TSPEAR: variants seen among roughly 807,000 people sequenced by gnomAD.
TSPEAR encodes thrombospondin type laminin G domain and EAR repeats.
In TSPEAR, 69 loss-of-function variants were observed where a neutral mutation model predicts 71.6. The ratio of observed to expected loss-of-function variants is 0.96; its 90% CI spans 0.79 to 1.18. TSPEAR has a LOEUF of 1.18. Ranked by LOEUF, TSPEAR falls within the 50% of genes most tolerant of loss-of-function variation. TSPEAR has a pLI of 0.00. For synonymous variants in TSPEAR, 402 were observed against 387.2 expected, an observed-to-expected ratio of 1.04 and a Z score of -0.45; for missense variants, 971 against 894.9, an observed-to-expected ratio of 1.09 and a Z score of -1.09.
chr21:44,708,630 C>T (rs1193332534), intron 1 of TSPEAR, among the ~76,000 whole-genome samples: 3 of 152,218 alleles, frequency 2.0e-5, no homozygotes, highest in African/African-American at 7.2e-5. Flanking sequence ...GCACACTGCC[C>T]GTCCCCAGGC....
chr21:44,703,020 G>A (rs1987732026), intron 1 of TSPEAR, among the ~76,000 whole-genome samples: 1 of 152,156 alleles, frequency 6.6e-6, no homozygotes, highest in South Asian at 2.1e-4. Context: ...AGGGCCCCGG[G>A]TGTTCCCTGG....
At chr21:44,672,798 A>G (rs1349684040) in intron 1 of TSPEAR, among the ~76,000 whole-genome samples, 2 of 152,128 alleles carry the variant, frequency 1.3e-5, no homozygotes, top group African/African-American at 4.8e-5. Flanking sequence ...AGTTCTCCTG[A>G]TAGTGAGTTC....
Position 44,529,859 on chromosome 21 carries a change from T to C in TSPEAR, c.729A>G (p.Pro243=), listed in dbSNP as rs2052931685. Residue 243 remains proline (P), a synonymous_variant, in exon 5 of 12, where the codon CCA becomes CCG. Transcript: ENST00000323084. The part of the protein sequence containing the change: ...RNAPLAVLSI[P]RVLQALTGKP... ...TCCCCGTGAGAGCCTGCAGGACCCG[T>C]GGGATGGACAGCACCGCCAGCGGGG... 6.8e-6 allele frequency: 11 copies of C among 1,613,824 alleles called. No individual in the cohort carries two copies. Among genetic ancestry groups the C allele is most frequent in the Non-Finnish European group, 9.3e-6 (11 of 1,179,948 alleles).
intron 10 of TSPEAR, chr21:44,508,425 G>T (rs1354952987): frequency 5.0e-6 from 5 of 1,002,042 alleles, no homozygotes; most frequent in Non-Finnish European, 4.8e-6. Flanking sequence ...TGGGAAAGCC[G>T]CCTGCTCCAT....
intron 1 of TSPEAR, chr21:44,611,940 G>C (rs1279607785): frequency 1.4e-6 from 1 of 721,600 alleles, no homozygotes. Flanking sequence ...AAACTAATTA[G>C]GGTTGCCTGG....
chr21:44,663,841 C>G (rs1985619058), intron 1 of TSPEAR, among the ~76,000 whole-genome samples: 1 of 152,020 alleles, frequency 6.6e-6, no homozygotes, highest in Non-Finnish European at 1.5e-5. Context: ...TTCACCATAT[C>G]AACAGACTAA....
intron 1 of TSPEAR, among the ~76,000 whole-genome samples, chr21:44,699,373 G>A (rs1987538813): frequency 1.6e-5 from 1 of 61,412 alleles, no homozygotes; most frequent in Admixed American, 2.4e-4. Flanking sequence ...GTGAGACACT[G>A]TCTCAAAAAA....
chr21:44,550,364 G>A (rs769957792), intron 2 of TSPEAR: 170 of 487,484 alleles, frequency 3.5e-4, no homozygotes, highest in Non-Finnish European at 5.1e-4. Flanking sequence ...AGCTGGGGCC[G>A]CAGACGCTTT....
intron 1 of TSPEAR, among the ~76,000 whole-genome samples, chr21:44,590,364 T>TGGGGACAGGGTCCTCGGGGTCA (rs1185866278): frequency 3.3e-5 from 5 of 151,550 alleles, no homozygotes; most frequent in Non-Finnish European, 7.4e-5. Context: ...GCTGGGGGTG[T>TGGGGACAGGGTCCTCGGGGTCA]GGGGACAGGG....
intron 1 of TSPEAR, chr21:44,580,342 G>T: frequency 6.2e-7 from 1 of 1,613,920 alleles, no homozygotes; most frequent in Non-Finnish European, 8.5e-7. Flanking sequence ...GGGAGGAGGC[G>T]CAGCAAGCCG....
chr21:44,704,631 A>G (rs9978932), intron 1 of TSPEAR, among the ~76,000 whole-genome samples: 13,234 of 152,230 alleles, frequency 0.087, 614 homozygotes, highest in South Asian at 0.14. Flanking sequence ...GAAGGCTTGG[A>G]TTAACAAGAG....
intron 1 of TSPEAR, chr21:44,638,485 G>A: frequency 2.7e-6 from 1 of 367,552 alleles, no homozygotes; most frequent in South Asian, 3.5e-5. Context: ...CCCCCGGGGG[G>A]GCACAGGGTG....
chr21:44,677,815 C>A, intron 1 of TSPEAR: 1 of 1,288,196 alleles, frequency 7.8e-7, no homozygotes, highest in South Asian at 1.2e-5. Flanking sequence ...GGTGCAGAAC[C>A]AAGAACCACC....
intron 2 of TSPEAR, among the ~76,000 whole-genome samples, chr21:44,540,795 A>G (rs1282089713): frequency 2.0e-5 from 3 of 152,162 alleles, no homozygotes; most frequent in Non-Finnish European, 4.4e-5. Flanking sequence ...GCCCCTCCCC[A>G]CGGCCTTCCC....
At chr21:44,525,553 G>C (rs1368863718) in intron 8 of TSPEAR, 100 bp downstream of exon 8, 1 of 1,248,074 alleles carries the variant, frequency 8.0e-7, no homozygotes, top group Admixed American at 1.9e-5. Context: ...GCTGCATGTG[G>C]CTTATTGTTT....
rs1279831445 is a variant in TSPEAR, at chr21:44,499,598, G to C, written c.*185C>G. 3.5e-6 allele frequency: 2 copies of C among 574,554 alleles called. No individual in the cohort carries two copies. Among genetic ancestry groups the C allele is most frequent in the African/African-American group, 4.0e-5 (2 of 50,160 alleles). 35.6% of individuals were successfully genotyped at this position (574,554 alleles called of 1,614,324 possible). ...CGTCACTGGGGCTGTGGCTCAGAAG[G>C]ACTCAGAGGTGGATGGATGTCCCTG... On this transcript the variant is annotated 3_prime_UTR_variant, in exon 12 of 12. Coordinates refer to ENST00000323084, the MANE Select transcript of TSPEAR (RefSeq NM_144991.3).
chr21:44,693,871 C>G (rs1222158706), intron 1 of TSPEAR, among the ~76,000 whole-genome samples: 1 of 152,124 alleles, frequency 6.6e-6, no homozygotes, highest in Non-Finnish European at 1.5e-5. Flanking sequence ...TCAAATAGAT[C>G]CTTGTATGTC....
intron 1 of TSPEAR, chr21:44,626,973 G>A (rs587683541): frequency 8.2e-5 from 70 of 854,446 alleles, no homozygotes; most frequent in Non-Finnish European, 1.2e-4. Flanking sequence ...AATGTCACCA[G>A]CAAACAAACA....
At chr21:44,600,607 A>C (rs1191474906) in intron 1 of TSPEAR, 3 of 1,607,644 alleles carry the variant, frequency 1.9e-6, no homozygotes, top group Non-Finnish European at 2.6e-6. Context: ...CATCTCCTCC[A>C]GTTCAATCCC....
Sources: gnomAD v4.1 joint callset for allele counts (sites outside exome capture counted in the v4.1 genomes callset) on GRCh38, gnomAD v4.1.1 for gene constraint, MANE v1.5 for transcripts, NCBI Gene and HGNC (gene_info 2026-07-23, HGNC 2026-07-21) for gene names.